CROT: variants seen among roughly 807,000 people sequenced by gnomAD.
CROT encodes carnitine O-octanoyltransferase.
Under a neutral mutation model 89.2 loss-of-function variants are expected in CROT, and 84 were observed. The observed-to-expected ratio is 0.94, with a 90% CI of 0.79 to 1.13. The LOEUF is 1.13. Ranked by LOEUF, CROT falls within the 50% of genes most tolerant of loss-of-function variation. CROT has a pLI of 0.00. For synonymous variants in CROT, 212 were observed against 239.5 expected (o/e 0.89, Z 1.06); for missense variants, 711 against 727.8 (o/e 0.98, Z 0.27).
intron 12 of CROT, 41 bp from the exon 13 acceptor site, chr7:87,382,372 T>G: frequency 6.3e-7 from 1 of 1,598,590 alleles, no homozygotes; most frequent in Non-Finnish European, 8.5e-7. Context: ...GTATTCTCCT[T>G]AGGTGATTTT....
chr7:87,354,776 A>C (rs1806005025), intron 3 of CROT, among the ~76,000 whole-genome samples: 1 of 152,224 alleles, frequency 6.6e-6, no homozygotes, highest in South Asian at 2.1e-4. Flanking sequence ...AATTTCTTGT[A>C]ATTTTATTAA....
chr7:87,389,194 C>A (rs1216730354), intron 13 of CROT, among the ~76,000 whole-genome samples: 1 of 152,154 alleles, frequency 6.6e-6, no homozygotes, highest in Non-Finnish European at 1.5e-5. Context: ...ATTAGTTCAA[C>A]CATTGCAGAA....
At chr7:87,386,752 G>A (rs970969089) in intron 13 of CROT, among the ~76,000 whole-genome samples, 1 of 152,140 alleles carries the variant, frequency 6.6e-6, no homozygotes, top group African/African-American at 2.4e-5. Flanking sequence ...CCGTAACACT[G>A]CTGAACAACC....
chr7:87,349,285 G>T, intron 3 of CROT, 102 bp downstream of exon 3: 1 of 517,076 alleles, frequency 1.9e-6, no homozygotes. Flanking sequence ...CTAAGAGAGA[G>T]TTAGAGTTCT....
At chr7:87,382,387 C>T (rs766399671) in intron 12 of CROT, 26 bp from the exon 13 acceptor site, 22 of 1,601,464 alleles carry the variant, frequency 1.4e-5, no homozygotes, top group Middle Eastern at 1.7e-4. Context: ...GATTTTTCAC[C>T]GTTCTCATTT....
Position 87,392,928 on chromosome 7 carries a change from TC to T in CROT, c.1599-19del, listed in dbSNP as rs1281371286. 1 of 1,613,006 alleles carries T rather than the reference TC, an allele frequency of 6.2e-7. No homozygotes were observed. The highest frequency in any genetic ancestry group is 1.1e-5 in the South Asian group (1 of 90,808). ...AGCATCTGTAGGCCTAGTAAAATGT[TC>T]TTTTATTGTGCCACACAGCGGAGGA... On this transcript the variant is annotated intron_variant, in intron 16 of 17. Coordinates refer to ENST00000331536, the MANE Select transcript of CROT (RefSeq NM_021151.4).
At chr7:87,388,628 A>G (rs1421338995) in intron 13 of CROT, among the ~76,000 whole-genome samples, 1 of 152,230 alleles carries the variant, frequency 6.6e-6, no homozygotes, top group Non-Finnish European at 1.5e-5. Flanking sequence ...AATTAACTCA[A>G]GATGGATTAA....
intron 13 of CROT, among the ~76,000 whole-genome samples, chr7:87,390,790 T>C (rs1807334078): frequency 6.6e-6 from 1 of 152,254 alleles, no homozygotes; most frequent in East Asian, 1.9e-4. Flanking sequence ...GACTCTGTAT[T>C]ACCTATTTCT....
At position 87,357,555 on chromosome 7, in the gene CROT, G is replaced by A. The variant is rs188350148; in HGVS notation, c.116-1651G>A. On this transcript the variant is annotated intron_variant, in intron 3 of 17. Transcript: ENST00000331536. The stretch of plus-strand genomic sequence containing the variant: ...AGGGGTCTTGATCCAGATGCTAAGA[G>A]AGGGTTCTTGGATCTCACGCGGGAA... The A allele has an allele frequency of 8.5e-5, 123 of 1,445,166 alleles. 1 individual carries two copies. The African/African-American group carries it at 1.4e-3, about 16-fold the overall frequency. The allele number at this position is 1,445,166 out of a possible 1,614,324, so 89.5% of individuals were successfully genotyped here. A position where few individuals can be genotyped will look rare whatever the true frequency, so the allele number is the denominator to read the frequency against.
chr7:87,369,948 G>A (rs755438815), intron 7 of CROT, among the ~76,000 whole-genome samples: 1 of 142,790 alleles, frequency 7.0e-6, no homozygotes, highest in Non-Finnish European at 1.5e-5. Flanking sequence ...GATAACTCCC[G>A]TGTACCCATC....
chr7:87,354,340 A>C, intron 3 of CROT: 1 of 516,824 alleles, frequency 1.9e-6, no homozygotes, highest in East Asian at 5.5e-5. Context: ...ACTTCTGCTT[A>C]TGGGAAGCCC....
Position 87,393,949 on chromosome 7 carries a change from A to C in CROT, c.1718+882A>C, listed in dbSNP as rs139248580. On this transcript the variant is annotated intron_variant, in intron 17 of 17. Transcript: ENST00000331536. ...GTAGTGTAGAAATATTCAAAAACTAAAGTATTCATGAATGCATAAAATATA... is the reference window on the plus strand; with the variant it reads ...GTAGTGTAGAAATATTCAAAAACTACAGTATTCATGAATGCATAAAATATA... Among the ~76,000 whole-genome samples, 283 of 152,278 alleles carry C rather than the reference A, an allele frequency of 1.9e-3. 1 individual carries two copies. Among genetic ancestry groups the C allele is most frequent in the African/African-American group, 6.5e-3 (271 of 41,578 alleles).
intron 17 of CROT, among the ~76,000 whole-genome samples, chr7:87,393,770 T>G (rs547074654): frequency 5.9e-5 from 9 of 152,262 alleles, no homozygotes; most frequent in African/African-American, 2.2e-4. Flanking sequence ...TGTGAAAAAT[T>G]GGAATAGTAA....
intron 13 of CROT, among the ~76,000 whole-genome samples, chr7:87,383,341 A>G (rs937008219): frequency 6.6e-6 from 1 of 152,054 alleles, no homozygotes. Context: ...TAACTCCCAT[A>G]TATAGGTGAG....
At chr7:87,390,257 A>AAG (rs1491091404) in intron 13 of CROT, among the ~76,000 whole-genome samples, 6 of 152,212 alleles carry the variant, frequency 3.9e-5, no homozygotes, top group Admixed American at 3.9e-4. Flanking sequence ...TTTTAAGATT[A>AAG]AGAGTGTGTT....
At chr7:87,354,374 C>G (rs768937282) in intron 3 of CROT, 1 of 518,254 alleles carries the variant, frequency 1.9e-6, no homozygotes, top group Admixed American at 1.9e-5. Flanking sequence ...GGACATCAAA[C>G]CTGATGAAAA....
intron 13 of CROT, among the ~76,000 whole-genome samples, chr7:87,383,378 C>T (rs1447568948): frequency 1.3e-5 from 2 of 152,070 alleles, no homozygotes; most frequent in African/African-American, 4.8e-5. Flanking sequence ...CTTTCTATTT[C>T]TGGATTATTT....
chr7:87,347,538 A>T (rs1228323613), intron 2 of CROT, among the ~76,000 whole-genome samples: 1 of 152,236 alleles, frequency 6.6e-6, no homozygotes, highest in Non-Finnish European at 1.5e-5. Context: ...GATGGTCAAA[A>T]TGGTGTGCAG....
chr7:87,361,129 A>ATTTTT (rs756941293), intron 4 of CROT, among the ~76,000 whole-genome samples: 1 of 142,098 alleles, frequency 7.0e-6, no homozygotes, highest in African/African-American at 2.6e-5. Flanking sequence ...CAGCTAATTA[A>ATTTTT]TTTTTTTTTT....
Sources: allele counts gnomAD v4.1 joint callset (sites outside exome capture counted in the v4.1 genomes callset), GRCh38; gene constraint gnomAD v4.1.1; transcripts MANE v1.5; gene names NCBI Gene and HGNC (gene_info 2026-07-23, HGNC 2026-07-21).